The following PALM2AKAP2 variants were observed in gnomAD, a reference collection of about 807,000 sequenced individuals.
PALM2AKAP2 encodes PALM2 and AKAP2 fusion.
A neutral mutation model predicts 71.5 loss-of-function variants in PALM2AKAP2; 37 were observed. The ratio of observed to expected loss-of-function variants is 0.52; its 90% confidence interval spans 0.40 to 0.68. The LOEUF is 0.68. Among genes scored for constraint, PALM2AKAP2 ranks in the 30% least tolerant of loss-of-function variants. The probability of loss-of-function intolerance (pLI) is 0.00; values close to 1 mark genes in which losing one functional copy is unlikely to be tolerated. For synonymous variants in PALM2AKAP2, 468 were observed against 478.8 expected (o/e 0.98, Z 0.29); for missense variants, 1,224 against 1,191.8 (o/e 1.03, Z -0.40).
chr9:109,957,488 C>G (rs1315628218), intron 6 of PALM2AKAP2, among the ~76,000 whole-genome samples: 1 of 152,226 alleles, frequency 6.6e-6, no homozygotes, highest in Non-Finnish European at 1.5e-5. Context: ...ACTAGAGAAG[C>G]AGCAGACATG....
chr9:109,943,311 G>A (rs369583696), intron 6 of PALM2AKAP2: 55 of 1,614,054 alleles, frequency 3.4e-5, no homozygotes, highest in Non-Finnish European at 4.2e-5. Flanking sequence ...CCGGGAGGCC[G>A]GTCTCAGACA....
At chr9:110,025,410 T>TG (rs1833162805) in intron 7 of PALM2AKAP2, 3 of 740,188 alleles carry the variant, frequency 4.1e-6, no homozygotes, top group Non-Finnish European at 7.1e-6. Context: ...TTTTTTTTTT[T>TG]TTGTTCCTTC....
At chr9:109,899,704 G>A (rs565066903) in intron 3 of PALM2AKAP2, among the ~76,000 whole-genome samples, 1 of 152,202 alleles carries the variant, frequency 6.6e-6, no homozygotes, top group South Asian at 2.1e-4. Flanking sequence ...GCAACTACCT[G>A]CCATTCCTTG....
intron 1 of PALM2AKAP2, among the ~76,000 whole-genome samples, chr9:110,091,403 G>GGT (rs71373965): frequency 1.4e-3 from 204 of 144,926 alleles, no homozygotes; most frequent in Non-Finnish European, 2.1e-3. Context: ...TGGTGGTTGG[G>GGT]GTGTGTGTGT....
chr9:109,651,163 T>C (rs1827220481), intron 1 of PALM2AKAP2, among the ~76,000 whole-genome samples: 1 of 152,130 alleles, frequency 6.6e-6, no homozygotes. Context: ...TCCTGTTGAG[T>C]TGGCTCAATG....
chr9:109,683,541 T>A (rs2118524888), intron 1 of PALM2AKAP2, among the ~76,000 whole-genome samples: 1 of 152,312 alleles, frequency 6.6e-6, no homozygotes, highest in East Asian at 1.9e-4. Flanking sequence ...GACACCCAGA[T>A]TTCAGACTTC....
intron 1 of PALM2AKAP2, among the ~76,000 whole-genome samples, chr9:109,745,446 CT>C (rs910973017): frequency 5.9e-5 from 9 of 151,850 alleles, no homozygotes; most frequent in Non-Finnish European, 1.2e-4. Flanking sequence ...TGCCTCACTT[CT>C]TTTCTTCTCT....
intron 7 of PALM2AKAP2, among the ~76,000 whole-genome samples, chr9:110,025,662 A>G (rs1184664605): frequency 1.3e-5 from 2 of 152,160 alleles, no homozygotes; most frequent in African/African-American, 4.8e-5. Flanking sequence ...CCAACAATGA[A>G]TGAGGCTTCC....
Position 110,064,957 on chromosome 9 carries a change from T to C in PALM2AKAP2, c.156+16102T>C, listed in dbSNP as rs1177250110. 3.9e-5 allele frequency among the ~76,000 whole-genome samples: 6 copies of C among 152,324 alleles called. No homozygotes were observed. In the East Asian group the frequency reaches 1.2e-3, roughly 29 times the overall value. ...TTGGGAGTTTGATGTTTCCTCTTGC[T>C]TCCACAGCTGTCAGAAAGGGCTTGT... On this transcript the variant is annotated intron_variant, in intron 1 of 3. Transcript: ENST00000374525.
chr9:109,739,495 GA>G (rs780361834), intron 1 of PALM2AKAP2, among the ~76,000 whole-genome samples: 79 of 152,298 alleles, frequency 5.2e-4, no homozygotes, highest in Non-Finnish European at 1.0e-4. Flanking sequence ...AAACATTCAA[GA>G]GTTAGAAAGG....
At chr9:110,169,317 A>G (rs1380969617) in exon 4 of PALM2AKAP2, 3 of 152,538 alleles carry the variant, frequency 2.0e-5, no homozygotes, top group Non-Finnish European at 2.9e-5. Context: ...GGCAACAACT[A>G]TTTTTATGAT....
chr9:109,718,619 C>A (rs982877471), intron 1 of PALM2AKAP2, among the ~76,000 whole-genome samples: 2 of 151,878 alleles, frequency 1.3e-5, no homozygotes, highest in Non-Finnish European at 2.9e-5. Context: ...AGAAGAGTTG[C>A]AAAGGTAGTA....
At chr9:110,102,906 G>A (rs1329513880) in intron 1 of PALM2AKAP2, among the ~76,000 whole-genome samples, 1 of 152,148 alleles carries the variant, frequency 6.6e-6, no homozygotes, top group Non-Finnish European at 1.5e-5. Context: ...TTCTGCCTCT[G>A]CAGGACAGTT....
chr9:109,666,221 T>C (rs1429491195), intron 1 of PALM2AKAP2, among the ~76,000 whole-genome samples: 2 of 152,152 alleles, frequency 1.3e-5, no homozygotes, highest in East Asian at 1.9e-4. Context: ...CCCAGTGAGA[T>C]GAACCAGGTA....
At chr9:109,959,506 A>G (rs1831813122) in intron 6 of PALM2AKAP2, among the ~76,000 whole-genome samples, 1 of 152,012 alleles carries the variant, frequency 6.6e-6, no homozygotes, top group Non-Finnish European at 1.5e-5. Context: ...CTAGCCAGGC[A>G]TGGTGGCGGG....
chr9:110,137,716 T>C (rs369171030), exon 2 of PALM2AKAP2: 5 of 1,614,070 alleles, frequency 3.1e-6, no homozygotes, highest in Non-Finnish European at 3.4e-6. Context: ...CCCTATCCAA[T>C]GATTTCAGCA....
intron 1 of PALM2AKAP2, among the ~76,000 whole-genome samples, chr9:109,851,818 C>T (rs1368550223): frequency 6.6e-6 from 1 of 152,126 alleles, no homozygotes; most frequent in African/African-American, 2.4e-5. Flanking sequence ...CAGTCATTGT[C>T]GGTTTGCTAA....
chr9:110,000,710 T>G (rs1444791306), intron 6 of PALM2AKAP2, among the ~76,000 whole-genome samples: 2 of 152,256 alleles, frequency 1.3e-5, no homozygotes, highest in Non-Finnish European at 2.9e-5. Flanking sequence ...CCATTCTAAC[T>G]GGTGTGAGAT....
intron 1 of PALM2AKAP2, among the ~76,000 whole-genome samples, chr9:110,065,316 TCTC>T (rs1298008903): frequency 6.6e-6 from 1 of 152,122 alleles, no homozygotes; most frequent in Non-Finnish European, 1.5e-5. Context: ...ACAACCTTGA[TCTC>T]CTGGGCCCAA....
Sources: gnomAD v4.1 joint callset for allele counts (sites outside exome capture counted in the v4.1 genomes callset) on GRCh38, gnomAD v4.1.1 for gene constraint, MANE v1.5 for transcripts, NCBI Gene and HGNC (gene_info 2026-07-23, HGNC 2026-07-21) for gene names.